The following CLIC5 variants were observed in gnomAD, a reference collection of about 807,000 sequenced individuals.
CLIC5 encodes CLIC family member 5.
Under a neutral mutation model 24.7 loss-of-function variants are expected in CLIC5, and 20 were observed. The ratio of observed to expected loss-of-function variants is 0.81; its 90% confidence interval spans 0.57 to 1.18. The LOEUF (loss-of-function observed/expected upper bound fraction) is 1.18, where lower values mean the gene tolerates loss of function less well. CLIC5 is among the 50% of genes most tolerant of loss of function. CLIC5 has a pLI of 0.00. For missense variants in CLIC5, 341 were observed against 326.1 expected (o/e 1.05, Z -0.35); for synonymous variants, 159 against 135.6 (o/e 1.17, Z -1.20).
At chr6:45,924,573 G>A (rs1763402585) in intron 4 of CLIC5, among the ~76,000 whole-genome samples, 1 of 152,080 alleles carries the variant, frequency 6.6e-6, no homozygotes, top group African/African-American at 2.4e-5. Context: ...AATCTAGTAG[G>A]GGGTAAATGA....
intron 1 of CLIC5, among the ~76,000 whole-genome samples, chr6:45,961,266 A>C (rs1035371424): frequency 2.0e-5 from 3 of 152,214 alleles, no homozygotes. Context: ...CAAGTGATTA[A>C]ATAATTTTGT....
intron 5 of CLIC5, among the ~76,000 whole-genome samples, chr6:45,904,609 G>A (rs1373424870): frequency 7.6e-5 from 1 of 13,074 alleles, no homozygotes; most frequent in African/African-American, 3.7e-4. Flanking sequence ...CAGGAGAGTA[G>A]TATCACTTCT....
chr6:45,909,565 G>A (rs1762757042), intron 5 of CLIC5, among the ~76,000 whole-genome samples: 1 of 152,172 alleles, frequency 6.6e-6, no homozygotes, highest in Admixed American at 6.5e-5. Flanking sequence ...GAAGCTCTTG[G>A]TTGGAATTTC....
Position 46,050,229 on chromosome 6 carries a change from A to G in CLIC5, c.540+29474T>C, listed in dbSNP as rs544119377. On this transcript the variant is annotated intron_variant, in intron 1 of 5. Coordinates refer to the CLIC5 transcript ENST00000185206. ...ACCAAAGTTAATCTGTTCAGTTGAA[A>G]GTAACTGTACCTGCAGCTGTGGACA... Among the ~76,000 whole-genome samples the G allele has an allele frequency of 7.9e-4, 120 of 152,344 alleles. 2 individuals carry two copies. In the South Asian group the frequency reaches 0.015, roughly 19 times the overall value.
the CLIC5 span, chr6:46,097,018 A>G: frequency 1.3e-5 from 2 of 152,214 alleles, no homozygotes; most frequent in African/African-American, 4.8e-5. Context: ...AGGTCTATGC[A>G]TTTGTGAAAA....
chr6:45,920,537 T>G, intron 4 of CLIC5: 1 of 365,736 alleles, frequency 2.7e-6, no homozygotes, highest in East Asian at 1.7e-4. Flanking sequence ...CCATCACATA[T>G]TTTTGAAGAG....
chr6:46,001,753 C>T (rs903729369), intron 1 of CLIC5, among the ~76,000 whole-genome samples: 2 of 152,178 alleles, frequency 1.3e-5, no homozygotes, highest in African/African-American at 4.8e-5. Context: ...CCAACTCTGC[C>T]ACTTTCCATG....
intron 2 of CLIC5, among the ~76,000 whole-genome samples, chr6:45,949,810 C>T (rs1227710458): frequency 1.3e-5 from 2 of 152,106 alleles, no homozygotes; most frequent in Admixed American, 1.3e-4. Context: ...TACTTTTCTC[C>T]TAATAAATAT....
intron 5 of CLIC5, 131 bp from the exon 6 acceptor site, chr6:45,903,386 G>C: frequency 4.7e-6 from 3 of 633,230 alleles, no homozygotes; most frequent in Non-Finnish European, 7.4e-6. Flanking sequence ...TCAGTGATAT[G>C]TTTGAAATGC....
At chr6:45,887,252 T>C (rs950259240) in intron 6 of CLIC5, among the ~76,000 whole-genome samples, 5 of 152,238 alleles carry the variant, frequency 3.3e-5, no homozygotes, top group African/African-American at 1.2e-4. Flanking sequence ...TGCAGTTTTA[T>C]AGGCTAGAAG....
At chr6:45,970,319 G>T (rs1029469174) in intron 1 of CLIC5, among the ~76,000 whole-genome samples, 8 of 151,664 alleles carry the variant, frequency 5.3e-5, no homozygotes, top group Admixed American at 5.3e-4. Flanking sequence ...AAAAAACCAA[G>T]CCAGTTTTTG....
At chr6:46,036,303 G>C (rs931186949) in intron 1 of CLIC5, among the ~76,000 whole-genome samples, 37 of 139,852 alleles carry the variant, frequency 2.6e-4, no homozygotes, top group African/African-American at 9.3e-4. Context: ...TAGACTGCAA[G>C]GTCTTTTTTT....
chr6:46,112,273 A>G, the CLIC5 span, among the ~76,000 whole-genome samples: 1 of 152,200 alleles, frequency 6.6e-6, no homozygotes, highest in African/African-American at 2.4e-5. Flanking sequence ...GACCTAGAAA[A>G]AATTACCTGA....
At chr6:45,983,537 T>A (rs1464136347) in intron 1 of CLIC5, among the ~76,000 whole-genome samples, 1 of 152,144 alleles carries the variant, frequency 6.6e-6, no homozygotes, top group Non-Finnish European at 1.5e-5. Context: ...CTCCTGCATA[T>A]CACGGCCTTA....
At chr6:46,005,616 T>A (rs145730698) in intron 1 of CLIC5, among the ~76,000 whole-genome samples, 2 of 152,280 alleles carry the variant, frequency 1.3e-5, no homozygotes, top group East Asian at 3.9e-4. Flanking sequence ...ATCTGCTAGA[T>A]CTGAATGTTT....
intron 1 of CLIC5, among the ~76,000 whole-genome samples, chr6:46,048,005 C>CTTT (rs34581798): frequency 2.2e-5 from 3 of 139,178 alleles, no homozygotes; most frequent in African/African-American, 2.7e-5. Flanking sequence ...TCCATATCTA[C>CTTT]TTTTTTTTTT....
chr6:45,960,535 C>A (rs6940149), intron 1 of CLIC5, among the ~76,000 whole-genome samples: 1 of 152,108 alleles, frequency 6.6e-6, no homozygotes, highest in Non-Finnish European at 1.5e-5. Flanking sequence ...TGTGAGGGCA[C>A]GCAGTGGAGC....
chr6:46,003,830 C>T (rs893022698), intron 1 of CLIC5, among the ~76,000 whole-genome samples: 1 of 152,158 alleles, frequency 6.6e-6, no homozygotes, highest in African/African-American at 2.4e-5. Flanking sequence ...GGTTCTCATG[C>T]CTGTGCAAGG....
At chr6:46,112,950 A>C in the CLIC5 span, among the ~76,000 whole-genome samples, 11 of 152,146 alleles carry the variant, frequency 7.2e-5, no homozygotes, top group Non-Finnish European at 1.5e-4. Flanking sequence ...CCAGCTACTC[A>C]GGAGGCTAGG....
Sources: allele counts gnomAD v4.1 joint callset (sites outside exome capture counted in the v4.1 genomes callset), GRCh38; gene constraint gnomAD v4.1.1; transcripts MANE v1.5; gene names NCBI Gene and HGNC (gene_info 2026-07-23, HGNC 2026-07-21).